KIFC3: variants seen among roughly 807,000 people sequenced by gnomAD.
The protein encoded by KIFC3 is kinesin family member C3, also known as kinesin-like protein KIFC3.
A neutral mutation model predicts 101.8 loss-of-function variants in KIFC3; 60 were observed. The observed-to-expected ratio is 0.59, with a 90% CI of 0.48 to 0.73. The LOEUF is 0.73. Among genes scored for constraint, KIFC3 ranks in the 30% least tolerant of loss-of-function variants. KIFC3 has a pLI of 0.00. For synonymous variants in KIFC3, 476 were observed against 482.7 expected, an observed-to-expected ratio of 0.99 and a Z score of 0.18; for missense variants, 966 against 1,137.1, an observed-to-expected ratio of 0.85 and a Z score of 2.16.
At chr16:57,759,862 C>T (rs369560676) in intron 17 of KIFC3, 26 bp from the exon 18 acceptor site, 120 of 1,557,414 alleles carry the variant, frequency 7.7e-5, no homozygotes, top group Non-Finnish European at 7.1e-5. Flanking sequence ...GGCGGATGGG[C>T]GGGGGCCACG....
In KIFC3 at chr16:57,758,625, C is replaced by G. The variant is rs782372810; in HGVS notation, c.*309G>C. 2.9e-6 allele frequency: 2 copies of G among 696,336 alleles called. No homozygotes were observed. The highest frequency in any genetic ancestry group is 5.2e-6 in the Non-Finnish European group (2 of 381,616). The allele number at this position is 696,336 out of a possible 1,614,324, so 43.1% of individuals were successfully genotyped here. A position where few individuals can be genotyped will look rare whatever the true frequency, so the allele number is the denominator to read the frequency against. On this transcript the variant is annotated 3_prime_UTR_variant, in exon 20 of 20. Transcript: ENST00000445690. Reference sequence around the variant, plus strand: ...AGAGGCCCACCCTCCTCCACACTCCCGCCCTCCTCACGGGGCCCAGTTCGC... The same window carrying G: ...AGAGGCCCACCCTCCTCCACACTCCGGCCCTCCTCACGGGGCCCAGTTCGC...
chr16:57,844,935 C>A (rs1013751541), intron 1 of KIFC3, among the ~76,000 whole-genome samples: 4 of 152,298 alleles, frequency 2.6e-5, no homozygotes, highest in African/African-American at 9.6e-5. Flanking sequence ...GGAACTGACC[C>A]AGGTCACCAG....
Position 57,760,813 on chromosome 16 carries a change from C to G in KIFC3, c.2145G>C (p.Gln715His). 6.2e-7 allele frequency: 1 copy of G among 1,613,610 alleles called. No individual in the cohort carries two copies. The highest frequency in any genetic ancestry group is 8.5e-7 in the Non-Finnish European group (1 of 1,180,002). The change falls in exon 16 of 20, where the codon CAG becomes CAC. Residue 715 changes from glutamine to histidine, a missense_variant. By Grantham distance (24) the Gln-to-His change is conservative. Around this residue, in one of 2 missense-constraint regions of KIFC3, gnomAD observed 689 missense variants for 884.6 expected, o/e 0.78. Transcript: ENST00000445690. The part of the protein sequence containing the change: ...GDVIAALRSR[Q>H]GHVPFRNSKL... Reference sequence around the variant, plus strand: ...TGGAGTTGCGGAAGGGCACGTGGCCCTGGCGGGAGCGCAGGGCAGCAATGA... The same window carrying G: ...TGGAGTTGCGGAAGGGCACGTGGCCGTGGCGGGAGCGCAGGGCAGCAATGA...
intron 1 of KIFC3, among the ~76,000 whole-genome samples, chr16:57,825,807 G>A (rs2055446310): frequency 6.6e-6 from 1 of 152,100 alleles, no homozygotes; most frequent in Non-Finnish European, 1.5e-5. Context: ...AGCCTCCTGA[G>A]TAGCTGGGGG....
At chr16:57,779,441 G>T (rs145480635) in intron 3 of KIFC3, 1 of 152,320 alleles carries the variant, frequency 6.6e-6, no homozygotes, top group East Asian at 1.9e-4. Flanking sequence ...AGCAGAAGAT[G>T]AAAAGAGTTC....
At chr16:57,802,690 T>C, upstream of KIFC3, 2 of 883,476 alleles carry the variant, frequency 2.3e-6, no homozygotes, top group Admixed American at 3.1e-5. The surrounding 1 kb of genome is among the most constrained non-coding windows in gnomAD (Gnocchi z 5.0). Flanking sequence ...GGCCTCCCAC[T>C]CGGTCTCTCC....
chr16:57,826,812 T>C (rs2055467185), intron 1 of KIFC3, among the ~76,000 whole-genome samples: 1 of 152,236 alleles, frequency 6.6e-6, no homozygotes, highest in African/African-American at 2.4e-5. Flanking sequence ...GTCAGATTCC[T>C]GATCATATTC....
Position 57,783,138 on chromosome 16 carries a change from T to C in KIFC3, c.316-10850A>G, listed in dbSNP as rs138194626. Among the ~76,000 whole-genome samples, 488 of 152,300 alleles carry C rather than the reference T, an allele frequency of 3.2e-3. 2 individuals carry two copies. The highest frequency in any genetic ancestry group is 0.011 in the African/African-American group (466 of 41,552). ...TCACTTTCCCTTCTTAAAAAGTAAGTTGATTTTGTTAATTAAAGGAAAAAG... is the reference window on the plus strand; with the variant it reads ...TCACTTTCCCTTCTTAAAAAGTAAGCTGATTTTGTTAATTAAAGGAAAAAG... On this transcript the variant is annotated intron_variant, in intron 3 of 19. Transcript: ENST00000445690.
chr16:57,816,934 A>G, intron 1 of KIFC3: 1 of 355,994 alleles, frequency 2.8e-6, no homozygotes, highest in South Asian at 2.1e-5. Context: ...TAATAATCAC[A>G]GCTAACCCTT....
Position 57,842,211 on chromosome 16 carries a change from T to A in KIFC3, c.108+20518A>T, listed in dbSNP as rs1021438331. ...CGAGACTCCGTCTCAAAAAAAAAAA[T>A]AAAAAATCTCCTCATGCTTCTTAGC... On this transcript the variant is annotated intron_variant, in intron 1 of 2. Transcript: ENST00000563028. 7.3e-5 allele frequency among the ~76,000 whole-genome samples: 11 copies of A among 151,386 alleles called. No homozygotes were observed. The East Asian group carries it at 9.7e-4, about 13-fold the overall frequency.
At chr16:57,808,110 G>A (rs942273815), upstream of KIFC3, among the ~76,000 whole-genome samples, 10 of 152,114 alleles carry the variant, frequency 6.6e-5, no homozygotes, top group African/African-American at 2.4e-4. Flanking sequence ...GACTCAAGGA[G>A]GAATTTGGCG....
chr16:57,796,503 A>G (rs1023475170), intron 2 of KIFC3, among the ~76,000 whole-genome samples: 6 of 152,162 alleles, frequency 3.9e-5, no homozygotes, highest in South Asian at 2.1e-4. Context: ...CTGCCAGCCA[A>G]TTCTCAGGGT....
chr16:57,803,228 C>T (rs1555626194), upstream of KIFC3: 1 of 708,270 alleles, frequency 1.4e-6, no homozygotes, highest in Non-Finnish European at 2.6e-6. Context: ...GGCCCTGCTA[C>T]TGGGGCACCT....
At chr16:57,837,899 G>A (rs1476879834) in intron 1 of KIFC3, among the ~76,000 whole-genome samples, 2 of 152,148 alleles carry the variant, frequency 1.3e-5, no homozygotes, top group African/African-American at 4.8e-5. Flanking sequence ...GGGATGCTGA[G>A]GCTCAAGTGG....
intron 1 of KIFC3, chr16:57,816,193 A>G (rs1555628749): frequency 7.8e-7 from 1 of 1,277,092 alleles, no homozygotes; most frequent in Non-Finnish European, 1.0e-6. Context: ...ATAGTTCATC[A>G]AGTTCTCACA....
At position 57,760,392 on chromosome 16, in the gene KIFC3, T is replaced by C; in HGVS notation, c.2257A>G (p.Ser753Gly). The C allele has an allele frequency of 6.2e-7, 1 of 1,613,870 alleles. No homozygotes were observed. The highest frequency in any genetic ancestry group is 8.5e-7 in the Non-Finnish European group (1 of 1,179,964). The change falls in exon 17 of 20, where the codon AGC becomes GGC. Residue 753 changes from serine (S) to glycine (G), a missense_variant. Physicochemically the swap from Ser to Gly is moderately conservative, Grantham distance 56. Transcript: ENST00000445690. ...AACTTGAGGGAATAGAGCGTCTCGCTAGTGTTCTTCTCCACGGGGGACACC... is the reference window on the plus strand; with the variant it reads ...AACTTGAGGGAATAGAGCGTCTCGCCAGTGTTCTTCTCCACGGGGGACACC... ...VQVSPVEKNT[S>G]ETLYSLKFAE...
intron 3 of KIFC3, chr16:57,781,834 C>T (rs1598047668): frequency 2.8e-6 from 2 of 720,770 alleles, no homozygotes; most frequent in South Asian, 6.2e-5. Flanking sequence ...GGTTAGGCAA[C>T]TTACTTGAGG....
At chr16:57,816,644 C>T (rs782796678) in intron 1 of KIFC3, 3 of 456,736 alleles carry the variant, frequency 6.6e-6, no homozygotes, top group African/African-American at 2.0e-5. Context: ...CCCTGGGCAG[C>T]TGCCACACCA....
chr16:57,776,348 T>TC (rs2052086579), intron 3 of KIFC3: 1 of 985,168 alleles, frequency 1.0e-6, no homozygotes, highest in Non-Finnish European at 1.2e-6. Context: ...GGCCTATCTG[T>TC]CCCCTGTCCA....
Sources: gnomAD v4.1 joint callset for allele counts (sites outside exome capture counted in the v4.1 genomes callset) on GRCh38, gnomAD v4.1.1 for gene constraint, gnomAD v4.1.1 regional missense constraint, Gnocchi (gnomAD v3.1) non-coding constraint, MANE v1.5 for transcripts, NCBI Gene and HGNC (gene_info 2026-07-23, HGNC 2026-07-21) for gene names.